Variants in GABRG3 observed in about 807,000 individuals in gnomAD.
The protein encoded by GABRG3 is gamma-aminobutyric acid type A receptor subunit gamma3.
A neutral mutation model predicts 48.8 loss-of-function variants in GABRG3; 25 were observed. That is an observed-to-expected ratio of 0.51 (90% confidence interval 0.37 to 0.72). GABRG3 has a LOEUF of 0.72. GABRG3 is among the 30% of genes least tolerant of loss of function. GABRG3 has a pLI of 0.00. For missense variants in GABRG3, 394 were observed against 577.9 expected (o/e 0.68, Z 3.26); for synonymous variants, 227 against 217.6 (o/e 1.04, Z -0.38).
chr15:27,188,819 T>G (rs1888191584), intron 3 of GABRG3, among the ~76,000 whole-genome samples: 1 of 152,182 alleles, frequency 6.6e-6, no homozygotes, highest in Admixed American at 6.5e-5. Flanking sequence ...ATGTCCTGAA[T>G]GGTAAAGCCT....
At position 27,003,201 on chromosome 15, in the gene GABRG3, A is replaced by ATATTTATTTATT. The variant is rs199745733; in HGVS notation, c.203-23527_203-23516dup. Among the ~76,000 whole-genome samples the ATATTTATTTATT allele has an allele frequency of 9.4e-3, 1,312 of 139,180 alleles. 6 individuals carry two copies. The highest frequency in any genetic ancestry group is 0.016 in the African/African-American group (597 of 37,668). The allele number at this position is 139,180 out of a possible 152,430, so 91.3% of individuals were successfully genotyped here. A position where few individuals can be genotyped will look rare whatever the true frequency, so the allele number is the denominator to read the frequency against. ...TTTTTTAATTTTGTATTTTTATTTTATATTTATTTATTTATTTATTTATTT... is the reference window on the plus strand; with the variant it reads ...TTTTTTAATTTTGTATTTTTATTTTATATTTATTTATTTATTTATTTATTTATTTATTTATTT... On this transcript the variant is annotated intron_variant, in intron 2 of 9. Transcript: ENST00000615808.
intron 3 of GABRG3, among the ~76,000 whole-genome samples, chr15:27,040,384 A>G (rs536627539): frequency 2.8e-4 from 42 of 152,266 alleles, no homozygotes; most frequent in Admixed American, 9.8e-4. Flanking sequence ...CTCCCAAGTC[A>G]CTGGGTGTGT....
At chr15:27,495,723 T>C (rs1358414271) in intron 6 of GABRG3, among the ~76,000 whole-genome samples, 1 of 152,206 alleles carries the variant, frequency 6.6e-6, no homozygotes, top group Non-Finnish European at 1.5e-5. Context: ...GCTGAGACTC[T>C]CTATTTGTTT....
chr15:27,077,430 A>T (rs1041411085), intron 3 of GABRG3, among the ~76,000 whole-genome samples: 1 of 150,918 alleles, frequency 6.6e-6, no homozygotes, highest in East Asian at 1.9e-4. Flanking sequence ...CTGGACTCTT[A>T]CTCTCTCATT....
chr15:27,484,521 C>T (rs1423245374), intron 6 of GABRG3, among the ~76,000 whole-genome samples: 2 of 152,134 alleles, frequency 1.3e-5, no homozygotes, highest in East Asian at 1.9e-4. Context: ...CGTATATTTC[C>T]TGCTCTGTCA....
At chr15:26,995,548 T>G (rs1355025057) in intron 2 of GABRG3, among the ~76,000 whole-genome samples, 1 of 151,942 alleles carries the variant, frequency 6.6e-6, no homozygotes, top group African/African-American at 2.4e-5. Flanking sequence ...TATCTTTTTT[T>G]TTTTGTTAAG....
chr15:27,073,093 G>A (rs1404252472), intron 3 of GABRG3, among the ~76,000 whole-genome samples: 3 of 152,236 alleles, frequency 2.0e-5, no homozygotes, highest in African/African-American at 7.2e-5. Context: ...GGGGTGACTT[G>A]ATGTGTCCAG....
chr15:27,212,244 G>A (rs531613391), intron 3 of GABRG3, among the ~76,000 whole-genome samples: 2 of 152,294 alleles, frequency 1.3e-5, no homozygotes, highest in East Asian at 1.9e-4. Context: ...TGGCATACAT[G>A]TAATCTACTG....
intron 3 of GABRG3, among the ~76,000 whole-genome samples, chr15:27,057,922 T>C (rs902274889): frequency 6.6e-5 from 10 of 152,320 alleles, no homozygotes; most frequent in African/African-American, 2.4e-4. Context: ...CGAGAGGATG[T>C]GTGCATTGGC....
chr15:27,233,277 C>T (rs1260798795), intron 3 of GABRG3, among the ~76,000 whole-genome samples: 3 of 152,234 alleles, frequency 2.0e-5, no homozygotes, highest in Admixed American at 1.3e-4. Flanking sequence ...ACCTTTCTAG[C>T]GAGCGTGAAA....
chr15:27,441,742 G>A (rs1170576654), intron 5 of GABRG3, among the ~76,000 whole-genome samples: 2 of 152,086 alleles, frequency 1.3e-5, no homozygotes, highest in Admixed American at 6.5e-5. Context: ...TTTCTTCTCT[G>A]CGCCTTGACC....
At chr15:27,050,288 C>A (rs920172593) in intron 3 of GABRG3, among the ~76,000 whole-genome samples, 4 of 152,194 alleles carry the variant, frequency 2.6e-5, no homozygotes, top group African/African-American at 9.7e-5. Context: ...TTTCCTCCTT[C>A]TTCTGTGCTC....
At chr15:27,108,897 T>G (rs920670474) in intron 3 of GABRG3, among the ~76,000 whole-genome samples, 3 of 152,166 alleles carry the variant, frequency 2.0e-5, no homozygotes, top group African/African-American at 7.2e-5. Flanking sequence ...ATTCCAACTT[T>G]CCTTTGATTA....
At chr15:27,519,549 A>T (rs1270902692) in intron 6 of GABRG3, among the ~76,000 whole-genome samples, 1 of 152,246 alleles carries the variant, frequency 6.6e-6, no homozygotes. Flanking sequence ...AAGTTTATGT[A>T]AGATATGATA....
intron 3 of GABRG3, among the ~76,000 whole-genome samples, chr15:27,027,236 A>G (rs1249518805): frequency 6.6e-6 from 1 of 152,192 alleles, no homozygotes; most frequent in Non-Finnish European, 1.5e-5. Flanking sequence ...GAACTATTGG[A>G]TGTGAAAGAA....
At chr15:27,459,024 G>A (rs572366393) in intron 5 of GABRG3, among the ~76,000 whole-genome samples, 12 of 152,240 alleles carry the variant, frequency 7.9e-5, no homozygotes, top group African/African-American at 2.2e-4. Flanking sequence ...TCTTCTCTTC[G>A]ATTCTTCCAA....
At chr15:27,140,079 A>C (rs893715320) in intron 3 of GABRG3, among the ~76,000 whole-genome samples, 1 of 152,182 alleles carries the variant, frequency 6.6e-6, no homozygotes, top group Non-Finnish European at 1.5e-5. Flanking sequence ...GCATCACTTT[A>C]TCTGGATATT....
In GABRG3 at chr15:27,062,466, T is replaced by TGG. The variant is rs1896666771; in HGVS notation, c.270+35646_270+35647insGG. On this transcript the variant is annotated intron_variant, in intron 3 of 9. Coordinates refer to ENST00000615808, the MANE Select transcript of GABRG3 (RefSeq NM_033223.5). The stretch of plus-strand genomic sequence containing the variant: ...AAAAAAAAAAAAAAAAAATTAGCCT[T>TGG]GCATGATGGCAGGTGCCTGTAATCC... Among the ~76,000 whole-genome samples the TGG allele has an allele frequency of 3.7e-5, 5 of 134,570 alleles. No homozygotes were observed. In the South Asian group the frequency reaches 7.4e-4, roughly 20 times the overall value. 88.3% of individuals were successfully genotyped at this position (134,570 alleles called of 152,430 possible).
intron 5 of GABRG3, chr15:27,419,179 C>G (rs1049036367): frequency 6.6e-6 from 1 of 152,200 alleles, no homozygotes; most frequent in Non-Finnish European, 1.5e-5. Context: ...TGCCTAAACA[C>G]GAAGGGCCCC....
Sources: allele counts gnomAD v4.1 joint callset (sites outside exome capture counted in the v4.1 genomes callset), GRCh38; gene constraint gnomAD v4.1.1; transcripts MANE v1.5; gene names NCBI Gene and HGNC (gene_info 2026-07-23, HGNC 2026-07-21).